The following SLC25A12 variants were observed in gnomAD, a reference collection of about 807,000 sequenced individuals.
SLC25A12 encodes the protein electrogenic aspartate/glutamate antiporter SLC25A12, mitochondrial.
SLC25A12 carries 32 observed loss-of-function variants against 83.3 expected under a neutral mutation model. That is an observed-to-expected ratio of 0.38 (90% CI 0.29 to 0.52). The LOEUF (loss-of-function observed/expected upper bound fraction) is 0.52, where lower values mean the gene tolerates loss of function less well. Among genes scored for constraint, SLC25A12 ranks in the 20% least tolerant of loss-of-function variants. The probability of loss-of-function intolerance (pLI) is 0.84; values close to 1 mark genes in which losing one functional copy is unlikely to be tolerated. For synonymous variants in SLC25A12, 267 were observed against 291.1 expected (o/e 0.92, Z 0.84); for missense variants, 611 against 835.6 (o/e 0.73, Z 3.31).
intron 4 of SLC25A12, chr2:171,852,799 A>C: frequency 3.1e-6 from 1 of 325,486 alleles, no homozygotes; most frequent in Non-Finnish European, 6.2e-6. Flanking sequence ...CATTTGCTAC[A>C]ACAGTTTCAA....
At chr2:171,795,828 T>C (rs1017144360) in intron 13 of SLC25A12, among the ~76,000 whole-genome samples, 13 of 148,730 alleles carry the variant, frequency 8.7e-5, no homozygotes, top group Non-Finnish European at 1.5e-4. Flanking sequence ...TAGAAATAAT[T>C]GATTGAGATT....
chr2:171,787,748 G>C, intron 16 of SLC25A12, 41 bp downstream of exon 16: 1 of 1,613,034 alleles, frequency 6.2e-7, no homozygotes, highest in Non-Finnish European at 8.5e-7. Context: ...GAGGACGCTA[G>C]AGCCAGCCAG....
chr2:171,858,779 A>G (rs1558934355), intron 3 of SLC25A12, among the ~76,000 whole-genome samples: 1 of 152,214 alleles, frequency 6.6e-6, no homozygotes, highest in African/African-American at 2.4e-5. Context: ...TTTCTCCTTC[A>G]GAAAAGCAAC....
chr2:171,850,551 T>C (rs1211057449), intron 4 of SLC25A12, among the ~76,000 whole-genome samples: 1 of 150,982 alleles, frequency 6.6e-6, no homozygotes, highest in East Asian at 1.9e-4. Context: ...TTTCACCATA[T>C]TGGCCAGGCT....
chr2:171,865,774 T>C (rs1228435116), intron 3 of SLC25A12, among the ~76,000 whole-genome samples: 1 of 152,124 alleles, frequency 6.6e-6, no homozygotes, highest in African/African-American at 2.4e-5. Flanking sequence ...GCTCAGAATT[T>C]GACCTATAAA....
At chr2:171,878,059 A>G (rs1685610437) in intron 2 of SLC25A12, among the ~76,000 whole-genome samples, 1 of 152,206 alleles carries the variant, frequency 6.6e-6, no homozygotes, top group Non-Finnish European at 1.5e-5. Flanking sequence ...AAATCTGCTG[A>G]GATCAAATCT....
intron 17 of SLC25A12, among the ~76,000 whole-genome samples, chr2:171,786,339 G>A (rs34663530): frequency 1.4e-5 from 2 of 141,398 alleles, no homozygotes; most frequent in Non-Finnish European, 3.0e-5. Flanking sequence ...AGCCGAGATC[G>A]TACCACTGCA....
intron 3 of SLC25A12, among the ~76,000 whole-genome samples, chr2:171,860,503 G>A (rs948477693): frequency 6.6e-6 from 1 of 152,084 alleles, no homozygotes; most frequent in South Asian, 2.1e-4. Context: ...TTGGGTGGCT[G>A]AAGTATGAGA....
intron 9 of SLC25A12, among the ~76,000 whole-genome samples, chr2:171,817,692 TTC>T (rs1278859880): frequency 1.3e-5 from 2 of 151,570 alleles, no homozygotes; most frequent in Non-Finnish European, 2.9e-5. Flanking sequence ...ATAAATTTCA[TTC>T]TCATAGATTA....
intron 4 of SLC25A12, among the ~76,000 whole-genome samples, chr2:171,847,455 C>G (rs1352879214): frequency 6.6e-6 from 1 of 152,166 alleles, no homozygotes; most frequent in African/African-American, 2.4e-5. Context: ...CCAGCTTTAT[C>G]AGGTCCTGCG....
intron 8 of SLC25A12, among the ~76,000 whole-genome samples, chr2:171,827,974 C>A (rs558081078): frequency 6.6e-5 from 10 of 152,290 alleles, no homozygotes; most frequent in Admixed American, 6.5e-4. Flanking sequence ...TTCCCTTTTC[C>A]AACACGGGAC....
At chr2:171,787,385 T>A (rs940995008) in intron 17 of SLC25A12, among the ~76,000 whole-genome samples, 186 bp downstream of exon 17, 3 of 152,252 alleles carry the variant, frequency 2.0e-5, no homozygotes, top group Non-Finnish European at 4.4e-5. Context: ...TTATGTACGA[T>A]GTCACTCTGT....
At chr2:171,811,399 C>G (rs1294449203) in intron 11 of SLC25A12, among the ~76,000 whole-genome samples, 3 of 152,164 alleles carry the variant, frequency 2.0e-5, no homozygotes, top group Admixed American at 6.5e-5. Flanking sequence ...TTATCAGGCT[C>G]TATTACTTTT....
At chr2:171,874,745 T>C (rs1489672203) in intron 2 of SLC25A12, among the ~76,000 whole-genome samples, 1 of 152,218 alleles carries the variant, frequency 6.6e-6, no homozygotes, top group Non-Finnish European at 1.5e-5. Context: ...TGGATGCAGC[T>C]GGAGGCCATT....
intron 3 of SLC25A12, among the ~76,000 whole-genome samples, chr2:171,863,529 C>CAAAA (rs56272846): frequency 2.3e-5 from 3 of 128,388 alleles, no homozygotes; most frequent in African/African-American, 6.0e-5. Context: ...CCGTCTCCGA[C>CAAAA]AAAAAAAAAA....
intron 9 of SLC25A12, among the ~76,000 whole-genome samples, chr2:171,825,722 TG>T (rs953925923): frequency 1.3e-5 from 2 of 152,212 alleles, no homozygotes; most frequent in Non-Finnish European, 2.9e-5. Context: ...GGACAATGAC[TG>T]GCCCTCCTAA....
chr2:171,804,553 G>A (rs1432082971), intron 13 of SLC25A12, among the ~76,000 whole-genome samples: 4 of 152,094 alleles, frequency 2.6e-5, no homozygotes, highest in Non-Finnish European at 4.4e-5. Flanking sequence ...GAGCCACCAC[G>A]CCCAGCCTCC....
At chr2:171,844,282 C>A in intron 5 of SLC25A12, 87 bp downstream of exon 5, 1 of 1,439,526 alleles carries the variant, frequency 6.9e-7, no homozygotes, top group Admixed American at 1.8e-5. Context: ...TGGAGAACTT[C>A]TATTTTTGTA....
intron 2 of SLC25A12, among the ~76,000 whole-genome samples, chr2:171,881,241 C>T (rs543343269): frequency 6.6e-6 from 1 of 152,260 alleles, no homozygotes; most frequent in South Asian, 2.1e-4. Flanking sequence ...CAACCACCAT[C>T]TCCCAGGTTC....
Sources: allele counts gnomAD v4.1 joint callset (sites outside exome capture counted in the v4.1 genomes callset), GRCh38; gene constraint gnomAD v4.1.1; transcripts MANE v1.5; gene names NCBI Gene and HGNC (gene_info 2026-07-23, HGNC 2026-07-21).